Variants in ARID2 observed in about 807,000 individuals in gnomAD.
ARID2 encodes the protein AT-rich interaction domain 2, also known as AT-rich interactive domain-containing protein 2.
Under a neutral mutation model 184.6 loss-of-function variants are expected in ARID2, and 32 were observed. The ratio of observed to expected loss-of-function variants is 0.17; its 90% CI spans 0.13 to 0.23. ARID2 has a LOEUF of 0.23. ARID2 is among the 10% of genes least tolerant of loss of function. The pLI is 1.00. For missense variants in ARID2, 1,696 were observed against 2,197.6 expected (o/e 0.77, Z 4.56); for synonymous variants, 836 against 772.6 (o/e 1.08, Z -1.36).
At chr12:45,805,882 T>C (rs2138074616) in intron 3 of ARID2, among the ~76,000 whole-genome samples, 1 of 152,286 alleles carries the variant, frequency 6.6e-6, no homozygotes, top group Non-Finnish European at 1.5e-5. Flanking sequence ...AGCTGAATGT[T>C]TGTACCCATT....
chr12:45,807,999 A>G (rs955258369), intron 3 of ARID2, among the ~76,000 whole-genome samples: 1 of 152,184 alleles, frequency 6.6e-6, no homozygotes, highest in East Asian at 1.9e-4. Context: ...ATATTTCACT[A>G]GTTTTGAGTT....
chr12:45,846,916 G>A lies in ARID2; in HGVS notation c.1559G>A (p.Ser520Asn), dbSNP rs1232426237. ...CCTCCAGGAATAGTGGAAATAGATA[G>A]TGAGAAGTTTGCTTGTCAGTGGTAA... ...APPPGIVEIDSEKFACQWLNA... is the reference protein window; with the variant it reads ...APPPGIVEIDNEKFACQWLNA... Residue 520 changes from serine to asparagine, a missense_variant, in exon 12 of 21, where the codon AGT becomes AAT. This residue lies in a region of ARID2 where 713 missense variants were observed against 824.4 expected (regional missense o/e 0.86). Coordinates refer to ENST00000334344, the MANE Select transcript of ARID2 (RefSeq NM_152641.4). 8.7e-6 allele frequency: 14 copies of A among 1,612,988 alleles called. No individual in the cohort carries two copies. Among genetic ancestry groups the A allele is most frequent in the African/African-American group, 2.7e-5 (2 of 74,888 alleles).
At chr12:45,862,054 A>T (rs1943759402) in intron 16 of ARID2, among the ~76,000 whole-genome samples, 2 of 152,210 alleles carry the variant, frequency 1.3e-5, no homozygotes, top group Admixed American at 1.3e-4. Context: ...TTATATGATT[A>T]TGGCTACCTG....
intron 11 of ARID2, chr12:45,839,941 G>T (rs1365113646): frequency 1.3e-5 from 2 of 158,608 alleles, no homozygotes; most frequent in Non-Finnish European, 2.8e-5. Context: ...AGAATCAACA[G>T]CCTAGGAGAA....
intron 3 of ARID2, among the ~76,000 whole-genome samples, chr12:45,787,092 A>G (rs573819048): frequency 1.3e-5 from 2 of 152,328 alleles, no homozygotes; most frequent in South Asian, 2.1e-4. Context: ...TATGTATTGT[A>G]TACTTGAAAA....
In ARID2 at chr12:45,907,978, TAG is replaced by T. The variant is rs1944551956; in HGVS notation, c.*2901_*2902del. The T allele has an allele frequency of 8.7e-6, 2 of 230,098 alleles. No homozygotes were observed. The allele number at this position is 230,098 out of a possible 1,614,324, so 14.3% of individuals were successfully genotyped here. A position where few individuals can be genotyped will look rare whatever the true frequency, so the allele number is the denominator to read the frequency against. On this transcript the variant is annotated 3_prime_UTR_variant, in exon 21 of 21. Transcript: ENST00000334344. ...CCTGAGAACTCGTCTCATTACTTTA[TAG>T]TCATGTCATGTATGTTTTTTTAACC...
At chr12:45,804,793 T>A in intron 3 of ARID2, among the ~76,000 whole-genome samples, 1 of 152,100 alleles carries the variant, frequency 6.6e-6, no homozygotes, top group East Asian at 1.9e-4. Flanking sequence ...CTTTGAAGCC[T>A]CTGTAGAATG....
intron 6 of ARID2, among the ~76,000 whole-genome samples, chr12:45,832,814 A>C (rs1229595781): frequency 6.6e-6 from 1 of 152,238 alleles, no homozygotes; most frequent in African/African-American, 2.4e-5. Flanking sequence ...ACAACTATTT[A>C]CTTCACGTTA....
intron 3 of ARID2, among the ~76,000 whole-genome samples, chr12:45,739,155 T>C (rs887102541): frequency 9.2e-5 from 14 of 152,000 alleles, no homozygotes; most frequent in African/African-American, 3.1e-4. Flanking sequence ...TTTTTTGCTT[T>C]TTTAGTAGAA....
chr12:45,832,794 A>C (rs1012824874), intron 6 of ARID2, among the ~76,000 whole-genome samples: 2 of 152,232 alleles, frequency 1.3e-5, no homozygotes, highest in African/African-American at 4.8e-5. Context: ...AATTAAAAGA[A>C]GACAGTGCAA....
intron 11 of ARID2, chr12:45,840,332 A>C: frequency 6.6e-6 from 1 of 152,166 alleles, no homozygotes; most frequent in East Asian, 1.9e-4. Context: ...CTTTGCAATT[A>C]ATACAGAGGC....
Position 45,795,069 on chromosome 12 carries a change from T to A in ARID2, c.285-16349T>A, listed in dbSNP as rs7310983. Among the ~76,000 whole-genome samples the A allele has an allele frequency of 1.8e-4, 27 of 152,130 alleles. 1 individual carries two copies. The highest frequency in any genetic ancestry group is 6.3e-4 in the African/African-American group (26 of 41,548). On this transcript the variant is annotated intron_variant, in intron 3 of 20. Transcript: ENST00000334344. ...TTTATATTCTGCAAGGTTTTTTTTT[T>A]AAACATGGAAGAGTTCTTAGATTAT...
chr12:45,859,956 T>A (rs949098523), intron 15 of ARID2, among the ~76,000 whole-genome samples: 6 of 152,202 alleles, frequency 3.9e-5, no homozygotes, highest in Admixed American at 3.9e-4. Flanking sequence ...GGTCTCGAAC[T>A]CCTGACCTCA....
chr12:45,804,521 CT>C (rs1242820580), intron 3 of ARID2, among the ~76,000 whole-genome samples: 2 of 150,464 alleles, frequency 1.3e-5, no homozygotes, highest in South Asian at 2.1e-4. Context: ...TGTATGTAGT[CT>C]TTTTTTTAAC....
intron 20 of ARID2, among the ~76,000 whole-genome samples, chr12:45,901,130 A>T: frequency 9.6e-6 from 1 of 103,980 alleles, no homozygotes; most frequent in Non-Finnish European, 2.1e-5. Flanking sequence ...TCTCTGTTTA[A>T]TCTATTTTTT....
At chr12:45,853,341 TAAC>T (rs1179514466) in intron 15 of ARID2, among the ~76,000 whole-genome samples, 1 of 152,240 alleles carries the variant, frequency 6.6e-6, no homozygotes, top group Non-Finnish European at 1.5e-5. Context: ...AATCTTGTAA[TAAC>T]TTTATCAGTC....
At chr12:45,889,525 CACTT>C (rs1944257381) in intron 16 of ARID2, among the ~76,000 whole-genome samples, 1 of 152,182 alleles carries the variant, frequency 6.6e-6, no homozygotes, top group Admixed American at 6.5e-5. Context: ...TCTGCTTCAT[CACTT>C]ACACTTCTCC....
Position 45,848,865 on chromosome 12 carries a change from A to T in ARID2, c.1610A>T (p.Asp537Val), listed in dbSNP as rs2138154091. The change falls in exon 13 of 21, where the codon GAT becomes GTT. Residue 537 changes from aspartate (D) to valine (V), a missense_variant. Asp to Val is a radical substitution (Grantham distance 152). Coordinates refer to ENST00000334344, the MANE Select transcript of ARID2 (RefSeq NM_152641.4). ...WLNAHFEVNP[D>V]CSVSRAEMYS... is the part of the protein sequence containing the mutation. ...AATGCTCATTTTGAAGTAAATCCAG[A>T]TTGTTCTGTTTCTCGAGCAGAAATG... is the stretch of plus-strand genomic sequence containing the variant. The T allele has an allele frequency of 1.9e-6, 3 of 1,611,880 alleles. No individual in the cohort carries two copies. The highest frequency in any genetic ancestry group is 4.5e-5 in the East Asian group (2 of 44,736).
At chr12:45,813,313 A>G (rs1156472097) in intron 4 of ARID2, among the ~76,000 whole-genome samples, 1 of 152,140 alleles carries the variant, frequency 6.6e-6, no homozygotes, top group African/African-American at 2.4e-5. Flanking sequence ...ATGTTTTTCT[A>G]GAAAGAGCCA....
Sources: allele counts gnomAD v4.1 joint callset (sites outside exome capture counted in the v4.1 genomes callset), GRCh38; gene constraint gnomAD v4.1.1; regional missense constraint gnomAD v4.1.1; transcripts MANE v1.5; gene names NCBI Gene and HGNC (gene_info 2026-07-23, HGNC 2026-07-21).